Variants in HIVEP3 observed in about 807,000 individuals in gnomAD.
The protein encoded by HIVEP3 is transcription factor HIVEP3.
In HIVEP3, 49 loss-of-function variants were observed where a neutral mutation model predicts 152.8. The observed-to-expected ratio is 0.32, with a 90% CI of 0.26 to 0.41. The LOEUF (loss-of-function observed/expected upper bound fraction) is 0.41, where lower values mean the gene tolerates loss of function less well. Ranked by LOEUF, HIVEP3 falls within the 10% of genes least tolerant of loss-of-function variation. HIVEP3 has a pLI of 1.00. For synonymous variants in HIVEP3, 1,269 were observed against 1,289.0 expected (o/e 0.98, Z 0.33); for missense variants, 2,790 against 3,103.3 (o/e 0.90, Z 2.40).
At chr1:41,544,843 C>CCA (rs1643660985) in intron 5 of HIVEP3, among the ~76,000 whole-genome samples, 1 of 87,466 alleles carries the variant, frequency 1.1e-5, no homozygotes, top group Non-Finnish European at 2.3e-5. Context: ...ACCACCACCA[C>CCA]TACCACCACC....
chr1:41,973,775 G>C (rs1645243839), intron 1 of HIVEP3, among the ~76,000 whole-genome samples: 1 of 152,212 alleles, frequency 6.6e-6, no homozygotes, highest in Non-Finnish European at 1.5e-5. Flanking sequence ...CAGTGGCAAG[G>C]GCAGGGCAAT....
At chr1:41,544,868 C>CACTACT (rs1569842368) in intron 5 of HIVEP3, among the ~76,000 whole-genome samples, 1 of 89,544 alleles carries the variant, frequency 1.1e-5, no homozygotes, top group African/African-American at 5.7e-5. Context: ...CCACCACCAC[C>CACTACT]ACCACCACTA....
intron 1 of HIVEP3, among the ~76,000 whole-genome samples, chr1:41,875,663 A>C (rs1278082341): frequency 6.6e-6 from 1 of 151,390 alleles, no homozygotes; most frequent in Non-Finnish European, 1.5e-5. Context: ...CCTTTCCCTT[A>C]CTCATGACCC....
chr1:41,545,663 TGCCACAGCCAC>T (rs1643773697), intron 5 of HIVEP3, among the ~76,000 whole-genome samples: 2 of 35,806 alleles, frequency 5.6e-5, no homozygotes, highest in Non-Finnish European at 1.1e-4. Context: ...CTACCACCCC[TGCCACAGCCAC>T]CACCACCACC....
chr1:41,959,643 A>G (rs148560838), intron 1 of HIVEP3, among the ~76,000 whole-genome samples: 1 of 152,268 alleles, frequency 6.6e-6, no homozygotes, highest in East Asian at 1.9e-4. Flanking sequence ...CCAAAGCCAT[A>G]ATATGGGGCT....
chr1:41,921,925 C>CCA (rs371827291), upstream of HIVEP3, among the ~76,000 whole-genome samples: 22 of 150,130 alleles, frequency 1.5e-4, no homozygotes, highest in East Asian at 1.2e-3. Context: ...CACACACACA[C>CCA]CACACACACA....
intron 1 of HIVEP3, among the ~76,000 whole-genome samples, chr1:41,788,830 C>A (rs896994004): frequency 6.6e-6 from 1 of 152,242 alleles, no homozygotes; most frequent in Non-Finnish European, 1.5e-5. Context: ...AGCTCCAAGA[C>A]CTTCTCAACT....
At chr1:41,578,435 G>C (rs1644356320) in intron 4 of HIVEP3, among the ~76,000 whole-genome samples, 4 of 152,204 alleles carry the variant, frequency 2.6e-5, no homozygotes, top group African/African-American at 9.7e-5. Context: ...TTGGAAAACA[G>C]TTCTGTGAAG....
chr1:41,978,605 C>T (rs1374874146), intron 1 of HIVEP3, among the ~76,000 whole-genome samples: 1 of 152,182 alleles, frequency 6.6e-6, no homozygotes, highest in Non-Finnish European at 1.5e-5. Flanking sequence ...GCCACCCAGT[C>T]TGTGGTATTT....
At chr1:41,803,923 T>C (rs1031273875) in intron 1 of HIVEP3, among the ~76,000 whole-genome samples, 1 of 152,240 alleles carries the variant, frequency 6.6e-6, no homozygotes, top group Non-Finnish European at 1.5e-5. Context: ...TCGATTATGT[T>C]CCCTTTTTGT....
At chr1:41,548,919 A>C (rs1274270045) in intron 5 of HIVEP3, among the ~76,000 whole-genome samples, 1 of 152,088 alleles carries the variant, frequency 6.6e-6, no homozygotes, top group African/African-American at 2.4e-5. Context: ...ATGTACACTA[A>C]GTGCAGGTTT....
chr1:41,513,045 G>C lies in HIVEP3; in HGVS notation c.6176C>G (p.Thr2059Ser). ...AHVLSKLEGT[T>S]DPGLPRYSPT... is the part of the protein sequence containing the mutation. The stretch of plus-strand genomic sequence containing the variant: ...CGAGTATCTGGGGAGGCCTGGGTCG[G>C]TGGTACCCTCGAGTTTGGAGAGCAC... The change falls in exon 8 of 9, where the codon ACC becomes AGC. Residue 2059 changes from threonine (T) to serine (S), a missense_variant. By Grantham distance (58) the Thr-to-Ser change is moderately conservative. Transcript: ENST00000372583. 6.2e-7 allele frequency: 1 copy of C among 1,613,828 alleles called. No homozygotes were observed. Among genetic ancestry groups the C allele is most frequent in the Non-Finnish European group, 8.5e-7 (1 of 1,179,968 alleles).
Position 41,643,064 on chromosome 1 carries a change from C to T in HIVEP3, c.-720-14117G>A, listed in dbSNP as rs575079453. The stretch of plus-strand genomic sequence containing the variant: ...GAGCCCCTCTCCACCCTACCGCCAC[C>T]GTCTTGGCCTAGGCTTCAGCATCCT... On this transcript the variant is annotated intron_variant, in intron 2 of 8. Transcript: ENST00000372583. Among the ~76,000 whole-genome samples, 30 of 152,304 alleles carry T rather than the reference C, an allele frequency of 2.0e-4. No homozygotes were observed. The South Asian group carries it at 4.6e-3, about 23-fold the overall frequency.
intron 5 of HIVEP3, among the ~76,000 whole-genome samples, chr1:41,564,192 AAACAACAAC>A (rs150283157): frequency 3.7e-4 from 56 of 151,960 alleles, no homozygotes; most frequent in African/African-American, 1.1e-3. Flanking sequence ...ACTCCATCTC[AAACAACAAC>A]AACAACAACA....
intron 5 of HIVEP3, among the ~76,000 whole-genome samples, chr1:41,557,204 A>C (rs10890120): frequency 0.18 from 27,412 of 152,164 alleles, 3,065 homozygotes; most frequent in Non-Finnish European, 0.26. Context: ...AAAGTAAACT[A>C]TCTATGGCAT....
At chr1:41,573,013 A>G (rs1644273265) in intron 5 of HIVEP3, among the ~76,000 whole-genome samples, 2 of 152,264 alleles carry the variant, frequency 1.3e-5, no homozygotes, top group South Asian at 2.1e-4. Context: ...AAATGTGAGC[A>G]GAAGCTTCTG....
intron 1 of HIVEP3, among the ~76,000 whole-genome samples, chr1:41,749,767 T>C (rs897922191): frequency 4.0e-5 from 6 of 150,686 alleles, no homozygotes; most frequent in Admixed American, 2.6e-4. Flanking sequence ...ACAAATAAGT[T>C]GGACTTGTGA....
intron 5 of HIVEP3, among the ~76,000 whole-genome samples, chr1:41,531,490 G>A (rs1643252175): frequency 8.0e-6 from 1 of 124,850 alleles, no homozygotes; most frequent in Non-Finnish European, 1.7e-5. Flanking sequence ...ATGGAGGACA[G>A]GAGAGATGGA....
At chr1:41,844,887 C>T (rs192025784) in intron 1 of HIVEP3, among the ~76,000 whole-genome samples, 134 of 152,364 alleles carry the variant, frequency 8.8e-4, no homozygotes, top group African/African-American at 3.0e-3. Flanking sequence ...ACCTGGGCTT[C>T]TTTGGGTCCT....
Sources: allele counts gnomAD v4.1 joint callset (sites outside exome capture counted in the v4.1 genomes callset), GRCh38; gene constraint gnomAD v4.1.1; transcripts MANE v1.5; gene names NCBI Gene and HGNC (gene_info 2026-07-23, HGNC 2026-07-21).